The following CACNG5 variants were observed in gnomAD, a reference collection of about 807,000 sequenced individuals.
CACNG5 encodes the protein voltage-dependent calcium channel gamma-5 subunit.
CACNG5 carries 18 observed loss-of-function variants against 24.8 expected under a neutral mutation model. That is an observed-to-expected ratio of 0.73 (90% confidence interval 0.50 to 1.08). CACNG5 has a LOEUF of 1.08. Ranked by LOEUF, CACNG5 falls within the 50% of genes least tolerant of loss-of-function variation. The probability of loss-of-function intolerance (pLI) is 0.00; values close to 1 mark genes in which losing one functional copy is unlikely to be tolerated. For synonymous variants in CACNG5, 157 were observed against 149.1 expected, an observed-to-expected ratio of 1.05 and a Z score of -0.39; for missense variants, 349 against 367.9, an observed-to-expected ratio of 0.95 and a Z score of 0.42.
chr17:66,869,171 C>A (rs1412236734), intron 1 of CACNG5, among the ~76,000 whole-genome samples: 1 of 152,130 alleles, frequency 6.6e-6, no homozygotes, highest in African/African-American at 2.4e-5. Context: ...GCAACCTCCG[C>A]CTCCCAGGTT....
chr17:66,884,204 A>G (rs915214662), intron 4 of CACNG5, among the ~76,000 whole-genome samples: 1 of 152,130 alleles, frequency 6.6e-6, no homozygotes, highest in African/African-American at 2.4e-5. Context: ...GTGTATCAGA[A>G]TGTCCAGAGC....
rs894950537 is a variant in CACNG5, at chr17:66,887,284, G to A, written c.*2044G>A. 5.3e-5 allele frequency among the ~76,000 whole-genome samples: 8 copies of A among 152,156 alleles called. No individual in the cohort carries two copies. The East Asian group carries it at 1.6e-3, about 30-fold the overall frequency. ...CACTCTGAGGGGCTTGGCCTAAATG[G>A]TTTCCAAGCCCACTCCCCTCCCACC... On this transcript the variant is annotated 3_prime_UTR_variant, in exon 6 of 6. Coordinates refer to ENST00000533854, the MANE Select transcript of CACNG5 (RefSeq NM_145811.3).
rs1415893706 is a variant in CACNG5 at position 66,885,265 on chromosome 17, CTG to C, written c.*28_*29del. Reference sequence around the variant, plus strand: ...AGCCTCGGCCGCCCCCATCCCTGGACTGTGGGTGGCCAGACAACCCTTCCTGT... The same window carrying C: ...AGCCTCGGCCGCCCCCATCCCTGGACTGGGTGGCCAGACAACCCTTCCTGT... On this transcript the variant is annotated 3_prime_UTR_variant, in exon 6 of 6. Coordinates refer to ENST00000533854, the MANE Select transcript of CACNG5 (RefSeq NM_145811.3). 1 of 1,545,748 alleles carries C rather than the reference CTG, an allele frequency of 6.5e-7. No individual in the cohort carries two copies. The highest frequency in any genetic ancestry group is 8.7e-7 in the Non-Finnish European group (1 of 1,152,564).
At position 66,874,762 on chromosome 17, in the gene CACNG5, C is replaced by T. The variant is rs558102616; in HGVS notation, c.-103-2468C>T. ...ATAGCAGAGAGGTTAATTTCCCAAG[C>T]TTACATGGATCTTTAGTGGCACGGT... On this transcript the variant is annotated intron_variant, in intron 1 of 5. Coordinates refer to ENST00000533854, the MANE Select transcript of CACNG5 (RefSeq NM_145811.3). Among the ~76,000 whole-genome samples, 3 of 152,270 alleles carry T rather than the reference C, an allele frequency of 2.0e-5. No homozygotes were observed. The East Asian group carries it at 5.8e-4, about 29-fold the overall frequency.
At chr17:66,850,862 G>C (rs1976703456) in intron 1 of CACNG5, among the ~76,000 whole-genome samples, 1 of 152,122 alleles carries the variant, frequency 6.6e-6, no homozygotes, top group Admixed American at 6.5e-5. Flanking sequence ...ATACATCATT[G>C]ACTTATAAGA....
At position 66,886,995 on chromosome 17, in the gene CACNG5, C is replaced by G. The variant is rs1047456115; in HGVS notation, c.*1755C>G. 6.6e-6 allele frequency among the ~76,000 whole-genome samples: 1 copy of G among 152,082 alleles called. No individual in the cohort carries two copies. The highest frequency in any genetic ancestry group is 1.5e-5 in the Non-Finnish European group (1 of 68,010). On this transcript the variant is annotated 3_prime_UTR_variant, in exon 6 of 6. Transcript: ENST00000533854. ...CCAAGGACACCAGTCAGATTGGATTCGGGTCCATCCCCGATTAATTGGTGG... is the reference window on the plus strand; with the variant it reads ...CCAAGGACACCAGTCAGATTGGATTGGGGTCCATCCCCGATTAATTGGTGG...
intron 1 of CACNG5, among the ~76,000 whole-genome samples, chr17:66,869,017 T>A (rs1186176422): frequency 6.6e-6 from 1 of 152,132 alleles, no homozygotes; most frequent in African/African-American, 2.4e-5. Flanking sequence ...AGGGGCAAAT[T>A]TACCTTATTA....
rs2143143428 is a variant in CACNG5 at position 66,889,239 on chromosome 17, G to T, written c.*3999G>T. On this transcript the variant is annotated 3_prime_UTR_variant, in exon 6 of 6. Transcript: ENST00000533854. ...GCCTCCCAAAGTGCTGGGATTACAGGCATGAGCCACTGTGCCCATCCTCTA... is the reference window on the plus strand; with the variant it reads ...GCCTCCCAAAGTGCTGGGATTACAGTCATGAGCCACTGTGCCCATCCTCTA... 6.6e-6 allele frequency among the ~76,000 whole-genome samples: 1 copy of T among 152,338 alleles called. No homozygotes were observed. Among genetic ancestry groups the T allele is most frequent in the Non-Finnish European group, 1.5e-5 (1 of 68,024 alleles).
Position 66,885,123 on chromosome 17 carries a change from G to A in CACNG5, c.711G>A (p.Trp237Ter), listed in dbSNP as rs1431738973. 6 of 1,614,098 alleles carry A rather than the reference G, an allele frequency of 3.7e-6. No homozygotes were observed. In the South Asian group the frequency reaches 5.5e-5, roughly 15 times the overall value. The change falls in exon 6 of 6, where the codon TGG becomes TGA. Residue 237 changes from tryptophan to a stop codon, truncating the protein, a stop_gained. Coordinates refer to ENST00000533854, the MANE Select transcript of CACNG5 (RefSeq NM_145811.3). LOFTEE classifies it high-confidence loss of function. ...YSGQFLHPDAWVRGRSPSDIS... is the reference protein window; with the variant it reads ...YSGQFLHPDA ...GCCAGTTCCTACACCCAGACGCCTG[G>A]GTCAGGGGCCGCAGCCCCTCCGACA...
chr17:66,872,773 A>C (rs1036778881), intron 1 of CACNG5, among the ~76,000 whole-genome samples: 4 of 152,208 alleles, frequency 2.6e-5, no homozygotes, highest in African/African-American at 7.2e-5. Flanking sequence ...CCTGGGTCAG[A>C]GTGCACCTCC....
chr17:66,882,502 C>G (rs924965383), intron 4 of CACNG5, among the ~76,000 whole-genome samples: 6 of 152,086 alleles, frequency 3.9e-5, no homozygotes, highest in Non-Finnish European at 7.4e-5. Context: ...TTACTCATGG[C>G]TGGTGTGTAG....
At chr17:66,869,856 G>C (rs1976978542) in intron 1 of CACNG5, among the ~76,000 whole-genome samples, 2 of 152,244 alleles carry the variant, frequency 1.3e-5, no homozygotes, top group South Asian at 4.1e-4. Flanking sequence ...GGCCGAGGTG[G>C]GTGGATCACG....
intron 1 of CACNG5, among the ~76,000 whole-genome samples, chr17:66,840,433 G>C (rs1434291558): frequency 6.6e-6 from 1 of 152,116 alleles, no homozygotes; most frequent in Admixed American, 6.5e-5. Context: ...TGCTGCCCCG[G>C]CTTCCCCAGG....
At chr17:66,854,708 A>C (rs1976748729) in intron 1 of CACNG5, among the ~76,000 whole-genome samples, 1 of 152,140 alleles carries the variant, frequency 6.6e-6, no homozygotes. Flanking sequence ...AAAAAGAAAG[A>C]AAAAAGAAAA....
chr17:66,858,053 C>A (rs2143065072), intron 1 of CACNG5, among the ~76,000 whole-genome samples: 1 of 152,316 alleles, frequency 6.6e-6, no homozygotes, highest in Admixed American at 6.5e-5. Context: ...TGCCTTTTCT[C>A]CTCTCAGTTC....
chr17:66,848,167 G>C (rs1219264526), intron 1 of CACNG5, among the ~76,000 whole-genome samples: 1 of 152,150 alleles, frequency 6.6e-6, no homozygotes, highest in Non-Finnish European at 1.5e-5. Flanking sequence ...TTCTGAATCT[G>C]AACCTGACAG....
At chr17:66,839,818 T>G (rs1976540518) in intron 1 of CACNG5, among the ~76,000 whole-genome samples, 1 of 152,128 alleles carries the variant, frequency 6.6e-6, no homozygotes, top group Admixed American at 6.5e-5. Flanking sequence ...CAAACGCCGC[T>G]CCAGGGCTGT....
chr17:66,848,089 C>T (rs1990341), intron 1 of CACNG5, among the ~76,000 whole-genome samples: 37,121 of 152,016 alleles, frequency 0.24, 4,738 homozygotes, highest in South Asian at 0.42. Context: ...GGGACAACCT[C>T]GTTGCTCCCA....
rs1031386621 is a variant in CACNG5, at chr17:66,891,996, A to G, written c.*6756A>G. On this transcript the variant is annotated 3_prime_UTR_variant, in exon 6 of 6. Transcript: ENST00000533854. ...GTTTAAAGCTCTCCAGATGGTTCTAATGTGAAACCAGGGTTGAGAACCACT... is the reference window on the plus strand; with the variant it reads ...GTTTAAAGCTCTCCAGATGGTTCTAGTGTGAAACCAGGGTTGAGAACCACT... Among the ~76,000 whole-genome samples, 6 of 152,244 alleles carry G rather than the reference A, an allele frequency of 3.9e-5. No individual in the cohort carries two copies. The highest frequency in any genetic ancestry group is 1.4e-4 in the African/African-American group (6 of 41,472).
Sources: gnomAD v4.1 joint callset for allele counts (sites outside exome capture counted in the v4.1 genomes callset) on GRCh38, gnomAD v4.1.1 for gene constraint, MANE v1.5 for transcripts, NCBI Gene and HGNC (gene_info 2026-07-23, HGNC 2026-07-21) for gene names.